Variants in AGPS observed in about 807,000 individuals in gnomAD.
AGPS encodes alkyldihydroxyacetonephosphate synthase, peroxisomal.
A neutral mutation model predicts 90.7 loss-of-function variants in AGPS; 26 were observed. The observed-to-expected ratio is 0.29, with a 90% CI of 0.21 to 0.40. The LOEUF is 0.40. Among genes scored for constraint, AGPS ranks in the 10% least tolerant of loss-of-function variants. The pLI is 1.00. For synonymous variants in AGPS, 294 were observed against 285.3 expected (o/e 1.03, Z -0.31); for missense variants, 540 against 816.1 (o/e 0.66, Z 4.12).
chr2:177,541,234 T>C lies in AGPS; in HGVS notation c.*3039T>C, dbSNP rs976305312. Reference sequence around the variant, plus strand: ...GATACAGATGGTTGCAAGGAAACCTTTTCCCCCACTAGAATAGTCTATTAG... The same window carrying C: ...GATACAGATGGTTGCAAGGAAACCTCTTCCCCCACTAGAATAGTCTATTAG... On this transcript the variant is annotated 3_prime_UTR_variant, in exon 20 of 20. Coordinates refer to ENST00000264167, the MANE Select transcript of AGPS (RefSeq NM_003659.4). 3 of 152,110 alleles carry C rather than the reference T, an allele frequency of 2.0e-5. No individual in the cohort carries two copies. Among genetic ancestry groups the C allele is most frequent in the Non-Finnish European group, 4.4e-5 (3 of 68,000 alleles). The allele number at this position is 152,110 out of a possible 1,614,324, so 9.4% of individuals were successfully genotyped here. A position where few individuals can be genotyped will look rare whatever the true frequency, so the allele number is the denominator to read the frequency against.
Position 177,437,058 on chromosome 2 carries a change from A to G in AGPS, c.637+4A>G. The G allele has an allele frequency of 6.2e-7, 1 of 1,612,860 alleles. No homozygotes were observed. The highest frequency in any genetic ancestry group is 8.5e-7 in the Non-Finnish European group (1 of 1,179,120). ...CCTGATATAGTTTTATGGCCAAGTA[A>G]GTTTTCCCCTCCTCGTATCATTAAT... On this transcript the variant is annotated splice_donor_region_variant and intron_variant, in intron 5 of 19. Coordinates refer to ENST00000264167, the MANE Select transcript of AGPS (RefSeq NM_003659.4).
At chr2:177,425,340 G>T (rs1211000822) in intron 2 of AGPS, among the ~76,000 whole-genome samples, 4 of 151,782 alleles carry the variant, frequency 2.6e-5, no homozygotes, top group Non-Finnish European at 4.4e-5. Flanking sequence ...GGGAATCCTG[G>T]CCGGGCGCAG....
At chr2:177,523,636 G>C in intron 18 of AGPS, 112 bp from the exon 19 acceptor site, 1 of 885,792 alleles carries the variant, frequency 1.1e-6, no homozygotes, top group Non-Finnish European at 1.9e-6. Flanking sequence ...TAGGCTTCTA[G>C]TTTATTATTT....
chr2:177,446,308 C>T (rs1362809379), intron 8 of AGPS, among the ~76,000 whole-genome samples: 2 of 152,122 alleles, frequency 1.3e-5, no homozygotes, highest in African/African-American at 4.8e-5. Context: ...CACCCACTAC[C>T]GCGCCTGGCT....
chr2:177,491,168 T>A (rs1380341555), intron 11 of AGPS, among the ~76,000 whole-genome samples: 1 of 151,970 alleles, frequency 6.6e-6, no homozygotes, highest in Non-Finnish European at 1.5e-5. Flanking sequence ...TTGCAGACTT[T>A]ACAGCACTTA....
intron 10 of AGPS, among the ~76,000 whole-genome samples, chr2:177,469,341 G>A (rs1687544221): frequency 6.6e-6 from 1 of 152,106 alleles, no homozygotes; most frequent in Non-Finnish European, 1.5e-5. Flanking sequence ...GAATAAAAGA[G>A]CAGGTACAAT....
intron 1 of AGPS, among the ~76,000 whole-genome samples, chr2:177,412,130 C>T (rs1268325264): frequency 6.6e-6 from 1 of 151,878 alleles, no homozygotes; most frequent in African/African-American, 2.4e-5. Flanking sequence ...CAACTTGCTC[C>T]AATACGTGGG....
In AGPS at chr2:177,509,430, G is replaced by A. The variant is rs144350256; in HGVS notation, c.1607+1399G>A. Reference sequence around the variant, plus strand: ...GCCTATAATCCCAGGACTTTGGGAGGCCGAGACGGGCAGATCACGAGGTCA... The same window carrying A: ...GCCTATAATCCCAGGACTTTGGGAGACCGAGACGGGCAGATCACGAGGTCA... On this transcript the variant is annotated intron_variant, in intron 16 of 19. Transcript: ENST00000264167. 5.6e-3 allele frequency among the ~76,000 whole-genome samples: 859 copies of A among 152,264 alleles called. 9 individuals carry two copies. The highest frequency in any genetic ancestry group is 0.02 in the African/African-American group (818 of 41,546).
At chr2:177,443,035 G>A (rs1442299636) in intron 7 of AGPS, among the ~76,000 whole-genome samples, 2 of 151,592 alleles carry the variant, frequency 1.3e-5, no homozygotes, top group African/African-American at 2.4e-5. Flanking sequence ...AGATGAAGTC[G>A]TTATTAACAT....
Position 177,393,017 on chromosome 2 carries a change from C to G in AGPS, c.228C>G (p.Ala76=), listed in dbSNP as rs1375681821. 2 of 1,550,218 alleles carry G rather than the reference C, an allele frequency of 1.3e-6. No individual in the cohort carries two copies. The highest frequency in any genetic ancestry group is 1.4e-5 in the African/African-American group (1 of 73,050). The change falls in exon 1 of 20, where the codon GCC becomes GCG. Residue 76 remains alanine (A), a synonymous_variant. Coordinates refer to ENST00000264167, the MANE Select transcript of AGPS (RefSeq NM_003659.4). ...AATAAPTATP[A]AQESGTIPKK... ...CGGCAGCGCCCACGGCCACTCCCGC[C>G]GCGCAGGAGTCGGGCACCATCCCAA...
chr2:177,462,117 G>A (rs559187854), intron 9 of AGPS, 99 bp downstream of exon 9: 25 of 1,150,772 alleles, frequency 2.2e-5, no homozygotes, highest in East Asian at 3.5e-5. Flanking sequence ...GGGCCTGGGC[G>A]CGGTGGCCAA....
chr2:177,398,702 G>C (rs987800490), intron 1 of AGPS, among the ~76,000 whole-genome samples: 5 of 152,102 alleles, frequency 3.3e-5, no homozygotes, highest in Non-Finnish European at 7.3e-5. Context: ...AGTTTATGTT[G>C]TACTTAATAA....
intron 9 of AGPS, among the ~76,000 whole-genome samples, chr2:177,465,019 C>G (rs1300836790): frequency 2.6e-5 from 4 of 152,102 alleles, no homozygotes; most frequent in African/African-American, 9.7e-5. Flanking sequence ...AAAATGTATG[C>G]TATAGCTGGG....
intron 1 of AGPS, among the ~76,000 whole-genome samples, chr2:177,401,921 A>G (rs1685344423): frequency 6.6e-6 from 1 of 152,060 alleles, no homozygotes; most frequent in Non-Finnish European, 1.5e-5. Flanking sequence ...AGCCCTGTTC[A>G]TTTTTTCCTT....
intron 1 of AGPS, among the ~76,000 whole-genome samples, chr2:177,417,564 A>G (rs1171723449): frequency 2.0e-5 from 3 of 152,242 alleles, no homozygotes; most frequent in Non-Finnish European, 4.4e-5. Flanking sequence ...AGCCTGACTT[A>G]GATGGGTTTC....
At chr2:177,439,591 C>T (rs1419629145) in intron 5 of AGPS, among the ~76,000 whole-genome samples, 3 of 152,084 alleles carry the variant, frequency 2.0e-5, no homozygotes, top group Admixed American at 1.3e-4. Context: ...CGGAATGAAA[C>T]AAATGACATG....
intron 14 of AGPS, among the ~76,000 whole-genome samples, chr2:177,504,231 A>G (rs1419982822): frequency 1.3e-5 from 2 of 151,980 alleles, no homozygotes; most frequent in African/African-American, 2.4e-5. Context: ...ACTCTATTTT[A>G]TATCTACTTG....
intron 17 of AGPS, among the ~76,000 whole-genome samples, chr2:177,518,493 T>C (rs1689087557): frequency 1.3e-5 from 2 of 152,116 alleles, no homozygotes; most frequent in South Asian, 2.1e-4. Flanking sequence ...TATGCAAATA[T>C]CCTGTTTCTT....
At chr2:177,518,563 T>C (rs1040290631) in intron 17 of AGPS, among the ~76,000 whole-genome samples, 1 of 152,180 alleles carries the variant, frequency 6.6e-6, no homozygotes, top group Admixed American at 6.5e-5. Context: ...GCAGTTATAA[T>C]TGTGATACTT....
Sources: gnomAD v4.1 joint callset for allele counts (sites outside exome capture counted in the v4.1 genomes callset) on GRCh38, gnomAD v4.1.1 for gene constraint, MANE v1.5 for transcripts, NCBI Gene and HGNC (gene_info 2026-07-23, HGNC 2026-07-21) for gene names.